The following CSMD1 variants were observed in gnomAD, a reference collection of about 807,000 sequenced individuals.
CSMD1 encodes CUB and sushi domain-containing protein 1.
CSMD1 carries 213 observed loss-of-function variants against 417.5 expected under a neutral mutation model. That is an observed-to-expected ratio of 0.51 (90% CI 0.46 to 0.57). CSMD1 has a LOEUF of 0.57. Ranked by LOEUF, CSMD1 falls within the 20% of genes least tolerant of loss-of-function variation. CSMD1 has a pLI of 0.00. For missense variants in CSMD1, 6,923 were observed against 4,529.7 expected (o/e 1.53, Z -15.17); for synonymous variants, 2,862 against 1,736.8 (o/e 1.65, Z -16.11).
chr8:3,762,879 G>C (rs1798087908), intron 5 of CSMD1, among the ~76,000 whole-genome samples: 1 of 152,218 alleles, frequency 6.6e-6, no homozygotes, highest in South Asian at 2.1e-4. Context: ...TGAGGAAGCT[G>C]CTGATGAGAG....
At chr8:4,329,868 ACAC>A (rs1209079845) in intron 3 of CSMD1, among the ~76,000 whole-genome samples, 5 of 151,656 alleles carry the variant, frequency 3.3e-5, no homozygotes, top group Admixed American at 1.3e-4. Context: ...ACACACACAC[ACAC>A]ACAGACACAC....
At chr8:4,201,463 G>A (rs1314510421) in intron 3 of CSMD1, among the ~76,000 whole-genome samples, 2 of 140,484 alleles carry the variant, frequency 1.4e-5, no homozygotes, top group Admixed American at 7.9e-5. Context: ...GCATGAACAC[G>A]GGAGGCGGAG....
intron 1 of CSMD1, among the ~76,000 whole-genome samples, chr8:4,972,276 G>GATATTGTT (rs533415228): frequency 6.6e-6 from 1 of 151,988 alleles, no homozygotes; most frequent in African/African-American, 2.4e-5. Context: ...GTTTTGCTCT[G>GATATTGTT]TCACCACCAA....
intron 2 of CSMD1, among the ~76,000 whole-genome samples, chr8:4,627,915 G>T (rs899839073): frequency 6.6e-6 from 1 of 151,978 alleles, no homozygotes; most frequent in Non-Finnish European, 1.5e-5. Flanking sequence ...GAGATATCCT[G>T]TCCACTGCAG....
chr8:3,496,267 T>C (rs1342787671), intron 10 of CSMD1, among the ~76,000 whole-genome samples: 3 of 152,214 alleles, frequency 2.0e-5, no homozygotes, highest in Non-Finnish European at 4.4e-5. Context: ...TTTGCCAAAA[T>C]CCTGCCTATC....
intron 10 of CSMD1, among the ~76,000 whole-genome samples, chr8:3,508,620 A>C (rs1344777495): frequency 6.6e-6 from 1 of 152,230 alleles, no homozygotes; most frequent in Non-Finnish European, 1.5e-5. Flanking sequence ...GAAAATTTTA[A>C]AATCACTGAT....
At chr8:4,748,881 T>C (rs1811127455) in intron 1 of CSMD1, among the ~76,000 whole-genome samples, 1 of 152,238 alleles carries the variant, frequency 6.6e-6, no homozygotes, top group African/African-American at 2.4e-5. Context: ...TTCAACAAAG[T>C]TATTCCGGTC....
At chr8:4,529,786 G>A (rs1003489062) in intron 2 of CSMD1, among the ~76,000 whole-genome samples, 17 of 151,526 alleles carry the variant, frequency 1.1e-4, no homozygotes, top group Middle Eastern at 3.5e-3. Context: ...AACTGCTGCC[G>A]TAGAAAATCT....
chr8:4,824,963 T>C (rs775307952), intron 1 of CSMD1, among the ~76,000 whole-genome samples: 3 of 152,070 alleles, frequency 2.0e-5, no homozygotes, highest in Non-Finnish European at 4.4e-5. Flanking sequence ...GTAGAAGCAA[T>C]CAAAGAATCT....
At position 2,937,653 on chromosome 8, in the gene CSMD1, G is replaced by T. The variant is rs1356255586; in HGVS notation, c.*932C>A. 6.6e-6 allele frequency: 1 copy of T among 152,146 alleles called. No individual in the cohort carries two copies. Among genetic ancestry groups the T allele is most frequent in the Non-Finnish European group, 1.5e-5 (1 of 68,030 alleles). The allele number at this position is 152,146 out of a possible 1,614,324, so 9.4% of individuals were successfully genotyped here. On this transcript the variant is annotated 3_prime_UTR_variant, in exon 70 of 70. Transcript: ENST00000635120. ...GGAGGAAAACGTGTGAAATAAGGAGGCTTCTGTTTTTTTCTCATTGGACCT... is the reference window on the plus strand; with the variant it reads ...GGAGGAAAACGTGTGAAATAAGGAGTCTTCTGTTTTTTTCTCATTGGACCT...
intron 1 of CSMD1, among the ~76,000 whole-genome samples, chr8:4,761,888 TACCTACCTATCTATCTATCTATCA>T (rs1428483370): frequency 2.0e-3 from 137 of 68,874 alleles, no homozygotes; most frequent in African/African-American, 5.8e-3. Flanking sequence ...TCTATCTATC[TACCTACCTATCTATCTATCTATCA>T]ATCTATCTAT....
chr8:3,554,742 G>A (rs530983679), intron 10 of CSMD1, among the ~76,000 whole-genome samples: 3 of 152,186 alleles, frequency 2.0e-5, no homozygotes, highest in Admixed American at 1.3e-4. Flanking sequence ...TCCACAGAGG[G>A]TCAATACTTC....
intron 11 of CSMD1, among the ~76,000 whole-genome samples, chr8:3,488,086 GTATTAT>G (rs34188243): frequency 3.9e-4 from 58 of 148,296 alleles, no homozygotes; most frequent in East Asian, 7.9e-4. Context: ...GAAACTCATA[GTATTAT>G]TATTATTATT....
At chr8:4,947,965 T>A (rs1460065130) in intron 1 of CSMD1, among the ~76,000 whole-genome samples, 1 of 152,068 alleles carries the variant, frequency 6.6e-6, no homozygotes, top group Non-Finnish European at 1.5e-5. Context: ...TTTCTTTTTT[T>A]AAGATATCCA....
intron 23 of CSMD1, among the ~76,000 whole-genome samples, chr8:3,341,073 G>A (rs1807610133): frequency 6.6e-6 from 1 of 152,178 alleles, no homozygotes; most frequent in South Asian, 2.1e-4. Flanking sequence ...TCAGTGAAGT[G>A]GAAGTGACCT....
intron 2 of CSMD1, among the ~76,000 whole-genome samples, chr8:4,602,341 T>C (rs116283973): frequency 1.3e-5 from 2 of 152,038 alleles, no homozygotes; most frequent in South Asian, 4.2e-4. Flanking sequence ...AAATAGCAGA[T>C]AAGGAAGCTG....
intron 17 of CSMD1, among the ~76,000 whole-genome samples, chr8:3,395,936 G>A (rs1457501970): frequency 6.6e-6 from 1 of 152,150 alleles, no homozygotes; most frequent in Non-Finnish European, 1.5e-5. Flanking sequence ...TGCAGAAGAT[G>A]AACCCATTTC....
intron 5 of CSMD1, among the ~76,000 whole-genome samples, chr8:3,822,411 T>A (rs889478033): frequency 6.6e-6 from 1 of 152,192 alleles, no homozygotes; most frequent in African/African-American, 2.4e-5. Flanking sequence ...CCTTGGGCAT[T>A]TTTTAGGTTG....
chr8:4,522,798 C>G (rs950107906), intron 2 of CSMD1, among the ~76,000 whole-genome samples: 7 of 152,138 alleles, frequency 4.6e-5, no homozygotes, highest in African/African-American at 1.4e-4. Context: ...GTGGCAAGGA[C>G]TGCAGAAATA....
Sources: allele counts gnomAD v4.1 joint callset (sites outside exome capture counted in the v4.1 genomes callset), GRCh38; gene constraint gnomAD v4.1.1; transcripts MANE v1.5; gene names NCBI Gene and HGNC (gene_info 2026-07-23, HGNC 2026-07-21).